The following PPP6R3 variants were observed in gnomAD, a reference collection of about 807,000 sequenced individuals.
PPP6R3 encodes the protein serine/threonine-protein phosphatase 6 regulatory subunit 3.
Under a neutral mutation model 110.7 loss-of-function variants are expected in PPP6R3, and 38 were observed. The observed-to-expected ratio is 0.34, with a 90% CI of 0.26 to 0.45. PPP6R3 has a LOEUF of 0.45. Among genes scored for constraint, PPP6R3 ranks in the 20% least tolerant of loss-of-function variants. PPP6R3 has a pLI of 1.00. For missense variants in PPP6R3, 870 were observed against 1,062.4 expected (o/e 0.82, Z 2.52); for synonymous variants, 369 against 373.5 (o/e 0.99, Z 0.14).
intron 14 of PPP6R3, 57 bp from the exon 15 acceptor site, chr11:68,582,986 T>C (rs1362107940): frequency 4.2e-6 from 5 of 1,185,858 alleles, no homozygotes; most frequent in Admixed American, 3.1e-5. Flanking sequence ...AAAATGCTGA[T>C]ACAAATGTCC....
chr11:68,574,119 G>A lies in PPP6R3; in HGVS notation c.1354G>A (p.Gly452Arg), dbSNP rs2099521145. 6.2e-7 allele frequency: 1 copy of A among 1,613,292 alleles called. No homozygotes were observed. The highest frequency in any genetic ancestry group is 1.3e-5 in the African/African-American group (1 of 74,904). ...TTTACCTCTTGTCAGGGCTGAGGGA[G>A]GAAGACGGCATGGTTACATGGGACA... ...EMNEKKQAEG[G>R]RRHGYMGHLT... Residue 452 changes from glycine (G) to arginine (R), a missense_variant, in exon 13 of 24, where the codon GGA (glycine) becomes AGA (arginine). Gly to Arg is a moderately radical substitution (Grantham distance 125). Transcript: ENST00000393800.
chr11:68,606,341 A>G (rs370168106), intron 22 of PPP6R3, among the ~76,000 whole-genome samples: 4 of 151,920 alleles, frequency 2.6e-5, no homozygotes, highest in Admixed American at 6.6e-5. Flanking sequence ...TTCTTCTTCA[A>G]GATGAGTGCA....
chr11:68,597,744 C>T (rs7106010), intron 19 of PPP6R3, among the ~76,000 whole-genome samples: 36,268 of 148,698 alleles, frequency 0.24, 4,611 homozygotes, highest in Middle Eastern at 0.33. Flanking sequence ...TTCTGGAGGC[C>T]GAGTCAGGCG....
chr11:68,507,810 A>G (rs141614403), intron 1 of PPP6R3, among the ~76,000 whole-genome samples: 19 of 152,324 alleles, frequency 1.2e-4, no homozygotes, highest in African/African-American at 4.3e-4. Context: ...TTAGTTGTGT[A>G]TGATATGTGC....
intron 14 of PPP6R3, among the ~76,000 whole-genome samples, chr11:68,580,115 G>A (rs2099547722): frequency 6.6e-6 from 1 of 152,170 alleles, no homozygotes; most frequent in Non-Finnish European, 1.5e-5. Flanking sequence ...GTGGAGTGGA[G>A]AGGGAAGAGC....
chr11:68,504,698 C>CT (rs2099066545), intron 1 of PPP6R3, among the ~76,000 whole-genome samples: 1 of 152,116 alleles, frequency 6.6e-6, no homozygotes, highest in Non-Finnish European at 1.5e-5. Flanking sequence ...CTATAGCTGT[C>CT]TAGTGTAGGA....
intron 8 of PPP6R3, among the ~76,000 whole-genome samples, chr11:68,561,533 T>C (rs1046644598): frequency 1.3e-5 from 2 of 152,180 alleles, no homozygotes; most frequent in Non-Finnish European, 2.9e-5. Flanking sequence ...GTGAATCAAG[T>C]CTAACAGTAT....
At chr11:68,508,333 C>T (rs529103147) in intron 1 of PPP6R3, among the ~76,000 whole-genome samples, 130 of 151,746 alleles carry the variant, frequency 8.6e-4, no homozygotes, top group African/African-American at 2.9e-3. Flanking sequence ...GGTTTCACCA[C>T]GTTGGCCAGG....
At chr11:68,490,435 G>A (rs1439577632) in intron 1 of PPP6R3, among the ~76,000 whole-genome samples, 1 of 151,932 alleles carries the variant, frequency 6.6e-6, no homozygotes, top group Non-Finnish European at 1.5e-5. Flanking sequence ...GGTAAGTGGG[G>A]AGGTCATTGC....
rs374179265 is a variant in PPP6R3, at chr11:68,503,354, A to T, written c.-157-16147A>T. 1.1e-4 allele frequency among the ~76,000 whole-genome samples: 17 copies of T among 152,328 alleles called. No individual in the cohort carries two copies. The East Asian group carries it at 1.7e-3, about 16-fold the overall frequency. The stretch of plus-strand genomic sequence containing the variant: ...GCTGGGGAAACAGCACAAATAAAAC[A>T]AATGTGAATTTACTTCGAGCAAATG... On this transcript the variant is annotated intron_variant, in intron 1 of 23. Coordinates refer to ENST00000393800, the MANE Select transcript of PPP6R3 (RefSeq NM_001164161.2).
chr11:68,583,307 T>G (rs548180156), intron 15 of PPP6R3, among the ~76,000 whole-genome samples, 178 bp downstream of exon 15: 2 of 152,334 alleles, frequency 1.3e-5, no homozygotes, highest in Admixed American at 6.5e-5. Context: ...AGATTTGTAT[T>G]GGTTATGTTT....
At chr11:68,516,248 T>G (rs935800299) in intron 1 of PPP6R3, among the ~76,000 whole-genome samples, 3 of 152,196 alleles carry the variant, frequency 2.0e-5, no homozygotes, top group African/African-American at 7.2e-5. Context: ...TGCTTCAAAA[T>G]CTGAAACTTT....
chr11:68,477,741 A>ATATATAT (rs1555021448), intron 1 of PPP6R3, among the ~76,000 whole-genome samples: 708 of 57,798 alleles, frequency 0.012, 7 homozygotes, highest in African/African-American at 0.022. Flanking sequence ...AAAAAAAAAA[A>ATATATAT]ATATATATAT....
chr11:68,599,305 G>C (rs554205286), intron 19 of PPP6R3, among the ~76,000 whole-genome samples: 2 of 152,244 alleles, frequency 1.3e-5, no homozygotes, highest in Non-Finnish European at 2.9e-5. Context: ...AGTTAGAGCA[G>C]ATCCACAGTG....
At chr11:68,588,392 C>T (rs1352618255) in intron 16 of PPP6R3, among the ~76,000 whole-genome samples, 1 of 151,886 alleles carries the variant, frequency 6.6e-6, no homozygotes, top group African/African-American at 2.4e-5. Context: ...CCCAGCTACT[C>T]AGGAGGCGGA....
chr11:68,524,240 T>C (rs2099183660), intron 2 of PPP6R3, among the ~76,000 whole-genome samples: 1 of 152,178 alleles, frequency 6.6e-6, no homozygotes, highest in South Asian at 2.1e-4. Context: ...TTTTACTTAC[T>C]GGTTCTTATT....
intron 7 of PPP6R3, among the ~76,000 whole-genome samples, chr11:68,557,360 C>G (rs1593101022): frequency 6.6e-6 from 1 of 152,118 alleles, no homozygotes; most frequent in Admixed American, 6.6e-5. Context: ...CTCCTATTTC[C>G]TGCCCTACGT....
intron 2 of PPP6R3, among the ~76,000 whole-genome samples, chr11:68,527,333 A>G (rs2153602048): frequency 6.6e-6 from 1 of 152,232 alleles, no homozygotes; most frequent in South Asian, 2.1e-4. Context: ...TGTCTTTCAC[A>G]TTGTTGACAG....
chr11:68,555,852 A>G (rs1038767498), intron 7 of PPP6R3, among the ~76,000 whole-genome samples: 5 of 152,220 alleles, frequency 3.3e-5, no homozygotes, highest in African/African-American at 7.2e-5. Context: ...TGCATTTAAC[A>G]GTGGAAAGAA....
Sources: gnomAD v4.1 joint callset for allele counts (sites outside exome capture counted in the v4.1 genomes callset) on GRCh38, gnomAD v4.1.1 for gene constraint, MANE v1.5 for transcripts, NCBI Gene and HGNC (gene_info 2026-07-23, HGNC 2026-07-21) for gene names.